Variants in FREM1 observed in about 807,000 individuals in gnomAD.
FREM1 encodes the protein FRAS1 related extracellular matrix 1.
Under a neutral mutation model 210.1 loss-of-function variants are expected in FREM1, and 220 were observed. That is an observed-to-expected ratio of 1.05 (90% CI 0.94 to 1.17). FREM1 has a LOEUF of 1.17. FREM1 is among the 50% of genes most tolerant of loss of function. The pLI, the probability that FREM1 is intolerant of heterozygous loss-of-function variation, is 0.00. For synonymous variants in FREM1, 1,189 were observed against 980.2 expected, an observed-to-expected ratio of 1.21 and a Z score of -3.98; for missense variants, 3,454 against 2,675.5, an observed-to-expected ratio of 1.29 and a Z score of -6.42.
chr9:14,748,741 G>A lies in FREM1; in HGVS notation c.5558-102C>T, dbSNP rs1285041868. On this transcript the variant is annotated intron_variant, in intron 30 of 36. Coordinates refer to ENST00000380880, the MANE Select transcript of FREM1 (RefSeq NM_001379081.2). The stretch of plus-strand genomic sequence containing the variant: ...GAGCAGCTTGTCATTAAACCTAGAT[G>A]GATGGTTTTCCCACCAGATGTTGCC... 5 of 754,296 alleles carry A rather than the reference G, an allele frequency of 6.6e-6. No individual in the cohort carries two copies. In the Admixed American group the frequency reaches 9.4e-5, roughly 14 times the overall value. The allele number at this position is 754,296 out of a possible 1,614,324, so 46.7% of individuals were successfully genotyped here.
Position 14,861,306 on chromosome 9 carries a change from TATATACATATATACAC to T in FREM1, c.330-1838_330-1823del, listed in dbSNP as rs1400758835. 1.8e-3 allele frequency among the ~76,000 whole-genome samples: 201 copies of T among 112,138 alleles called. 30 individuals are homozygous for T. The highest frequency in any genetic ancestry group is 0.016 in the Middle Eastern group (3 of 192). 73.6% of individuals were successfully genotyped at this position (112,138 alleles called of 152,430 possible). A position where few individuals can be genotyped will look rare whatever the true frequency, so the allele number is the denominator to read the frequency against. ...ATATACATATATACATATATACACA[TATATACATATATACAC>T]ATATATACATATATACACATATATA... On this transcript the variant is annotated intron_variant, in intron 3 of 36. Transcript: ENST00000380880.
At chr9:14,789,709 C>T (rs772038979) in intron 22 of FREM1, among the ~76,000 whole-genome samples, 36 of 152,038 alleles carry the variant, frequency 2.4e-4, no homozygotes, top group Non-Finnish European at 4.4e-4. Flanking sequence ...CTGCAAATAT[C>T]GTATATTGTT....
At position 14,812,813 on chromosome 9, in the gene FREM1, T is replaced by G; in HGVS notation, c.2892A>C (p.Thr964=). The G allele has an allele frequency of 6.2e-7, 1 of 1,604,044 alleles. No individual in the cohort carries two copies. The highest frequency in any genetic ancestry group is 1.7e-5 in the Admixed American group (1 of 59,712). The change falls in exon 16 of 37, where the codon ACA becomes ACC. Residue 964 remains threonine (T), a splice_region_variant and synonymous_variant. Coordinates refer to ENST00000380880, the MANE Select transcript of FREM1 (RefSeq NM_001379081.2). ...VISEAVTYKH[T]GGEIGLMPCF... is the part of the protein sequence containing the mutation. The stretch of plus-strand genomic sequence containing the variant: ...ACTGGTCACCATGCTGCTGCTTACC[T>G]GTGTGTTTGTATGTCACGGCCTCTG...
chr9:14,883,981 C>T (rs1835295717), intron 1 of FREM1, among the ~76,000 whole-genome samples: 1 of 152,080 alleles, frequency 6.6e-6, no homozygotes, highest in Admixed American at 6.6e-5. Context: ...CAAATCCTGG[C>T]GCTTTGGGAG....
Position 14,861,312 on chromosome 9 carries a change from CATATAT to C in FREM1, c.330-1834_330-1829del, listed in dbSNP as rs1364052271. Reference sequence around the variant, plus strand: ...ATATATACATATATACACATATATACATATATACACATATATACATATATACACATA... The same window carrying C: ...ATATATACATATATACACATATATACACACATATATACATATATACACATA... On this transcript the variant is annotated intron_variant, in intron 3 of 36. Coordinates refer to ENST00000380880, the MANE Select transcript of FREM1 (RefSeq NM_001379081.2). Among the ~76,000 whole-genome samples the C allele has an allele frequency of 4.9e-4, 51 of 103,530 alleles. 11 individuals are homozygous for C. The highest frequency in any genetic ancestry group is 3.0e-3 in the African/African-American group (49 of 16,500). 67.9% of individuals were successfully genotyped at this position (103,530 alleles called of 152,430 possible).
At chr9:14,740,532 C>G (rs891402761) in intron 35 of FREM1, among the ~76,000 whole-genome samples, 8 of 152,114 alleles carry the variant, frequency 5.3e-5, no homozygotes, top group Non-Finnish European at 8.8e-5. Context: ...CAGCAACTGC[C>G]TACTTATAAC....
chr9:14,763,336 T>C (rs568406646), intron 27 of FREM1, among the ~76,000 whole-genome samples: 1 of 152,164 alleles, frequency 6.6e-6, no homozygotes, highest in African/African-American at 2.4e-5. Context: ...CAAATGCTCC[T>C]TGGGAGAAAA....
chr9:14,816,450 C>T (rs953266743), intron 15 of FREM1, among the ~76,000 whole-genome samples: 11 of 152,102 alleles, frequency 7.2e-5, no homozygotes, highest in African/African-American at 2.7e-4. Context: ...CCCAGAAAAG[C>T]ATGCATTGAA....
At chr9:14,766,593 C>T (rs1305043924) in intron 27 of FREM1, among the ~76,000 whole-genome samples, 3 of 152,164 alleles carry the variant, frequency 2.0e-5, no homozygotes, top group Non-Finnish European at 4.4e-5. Context: ...ATCTATTCAT[C>T]CTTCAGGACT....
At chr9:14,897,704 C>A (rs1028160648) in intron 1 of FREM1, among the ~76,000 whole-genome samples, 1 of 152,070 alleles carries the variant, frequency 6.6e-6, no homozygotes. Flanking sequence ...AATCCTCCCA[C>A]CTCAGCTTCC....
intron 2 of FREM1, among the ~76,000 whole-genome samples, chr9:14,866,208 G>T (rs1377473302): frequency 6.6e-6 from 1 of 152,172 alleles, no homozygotes; most frequent in Non-Finnish European, 1.5e-5. Flanking sequence ...AGTAACTGGA[G>T]TTTTACCTTA....
intron 1 of FREM1, among the ~76,000 whole-genome samples, chr9:14,874,170 G>C (rs1257509065): frequency 6.6e-6 from 1 of 152,210 alleles, no homozygotes; most frequent in Non-Finnish European, 1.5e-5. Flanking sequence ...GGGTTCTGCA[G>C]ATGCCTATTA....
At position 14,819,340 on chromosome 9, in the gene FREM1, G is replaced by T; in HGVS notation, c.2440C>A (p.Leu814Ile). Residue 814 changes from leucine to isoleucine, a missense_variant, in exon 14 of 37, where the codon CTC becomes ATC. Leu to Ile is a conservative substitution (Grantham distance 5). Transcript: ENST00000380880. ...TGCAGAGGCAATTCCCGCAGGGAGA[G>T]GTCAATATTGTCCAGCTTGGTATCT... is the stretch of plus-strand genomic sequence containing the variant. The part of the protein sequence containing the change: ...DADTKLDNID[L>I]SLRELPLHGR... 6.2e-7 allele frequency: 1 copy of T among 1,613,592 alleles called. No homozygotes were observed. Among genetic ancestry groups the T allele is most frequent in the Non-Finnish European group, 8.5e-7 (1 of 1,179,528 alleles).
At chr9:14,874,787 A>G (rs1449041239) in intron 1 of FREM1, among the ~76,000 whole-genome samples, 1 of 152,066 alleles carries the variant, frequency 6.6e-6, no homozygotes, top group Non-Finnish European at 1.5e-5. Flanking sequence ...ATTTGGCATG[A>G]TTTTGCAGTG....
chr9:14,816,941 G>A, intron 14 of FREM1, 70 bp from the exon 15 acceptor site: 1 of 488,626 alleles, frequency 2.0e-6, no homozygotes, highest in South Asian at 7.4e-5. Context: ...CATGATACAT[G>A]AGCTCTTCCA....
At chr9:14,896,197 T>A (rs1837682344) in intron 1 of FREM1, among the ~76,000 whole-genome samples, 1 of 152,170 alleles carries the variant, frequency 6.6e-6, no homozygotes, top group Non-Finnish European at 1.5e-5. Flanking sequence ...ACCAGCACCA[T>A]GACTGTTTAC....
intron 24 of FREM1, among the ~76,000 whole-genome samples, chr9:14,777,955 A>G (rs911818748): frequency 6.6e-5 from 10 of 152,216 alleles, no homozygotes; most frequent in African/African-American, 2.4e-4. Flanking sequence ...TTATCTAGTT[A>G]ATAAGACTGT....
At chr9:14,833,944 T>TG (rs1009777161) in intron 10 of FREM1, among the ~76,000 whole-genome samples, 1 of 152,070 alleles carries the variant, frequency 6.6e-6, no homozygotes, top group East Asian at 1.9e-4. Context: ...GTGGGGCAGT[T>TG]GGGGGGGATC....
At chr9:14,776,260 G>A in intron 24 of FREM1, 57 bp from the exon 25 acceptor site, 1 of 1,487,924 alleles carries the variant, frequency 6.7e-7, no homozygotes, top group South Asian at 1.5e-5. Flanking sequence ...CCATCTACTG[G>A]AATGAAATGA....
Sources: allele counts gnomAD v4.1 joint callset (sites outside exome capture counted in the v4.1 genomes callset), GRCh38; gene constraint gnomAD v4.1.1; transcripts MANE v1.5; gene names NCBI Gene and HGNC (gene_info 2026-07-23, HGNC 2026-07-21).